MAP2: variants seen among roughly 807,000 people sequenced by gnomAD.
The protein encoded by MAP2 is microtubule-associated protein 2.
In MAP2, 14 loss-of-function variants were observed where a neutral mutation model predicts 137.6. The ratio of observed to expected loss-of-function variants is 0.10; its 90% CI spans 0.07 to 0.16. The LOEUF is 0.16. MAP2 is among the 10% of genes least tolerant of loss of function. MAP2 has a pLI of 1.00. For missense variants in MAP2, 2,088 were observed against 2,191.5 expected, an observed-to-expected ratio of 0.95 and a Z score of 0.94; for synonymous variants, 786 against 782.3, an observed-to-expected ratio of 1.00 and a Z score of -0.08.
chr2:209,730,137 G>T lies in MAP2; in HGVS notation c.5269-45G>T, dbSNP rs747646774. On this transcript the variant is annotated intron_variant, in intron 15 of 15. Transcript: ENST00000682079. ...GAGATGGAGAAAGAGGTAGGGGCCAGTTAAGATGCATGAGTTAACGAGGAC... is the reference window on the plus strand; with the variant it reads ...GAGATGGAGAAAGAGGTAGGGGCCATTTAAGATGCATGAGTTAACGAGGAC... 3 of 1,509,402 alleles carry T rather than the reference G, an allele frequency of 2.0e-6. No individual in the cohort carries two copies. In the Admixed American group the frequency reaches 5.1e-5, roughly 26 times the overall value. 93.5% of individuals were successfully genotyped at this position (1,509,402 alleles called of 1,614,324 possible).
At chr2:209,677,647 G>C (rs2052558382) in intron 5 of MAP2, among the ~76,000 whole-genome samples, 1 of 151,936 alleles carries the variant, frequency 6.6e-6, no homozygotes, top group Non-Finnish European at 1.5e-5. Context: ...GTGATTATGT[G>C]TTTGTTATTT....
chr2:209,475,169 TA>T (rs567933082), intron 1 of MAP2, among the ~76,000 whole-genome samples: 13 of 152,106 alleles, frequency 8.5e-5, no homozygotes, highest in Non-Finnish European at 1.6e-4. Flanking sequence ...GAAGTTTACA[TA>T]AAAATGGTAA....
At chr2:209,666,787 C>A (rs1205758296) in intron 5 of MAP2, among the ~76,000 whole-genome samples, 1 of 151,526 alleles carries the variant, frequency 6.6e-6, no homozygotes, top group Non-Finnish European at 1.5e-5. Flanking sequence ...GATGGAATTA[C>A]TAGATAAGTT....
At chr2:209,675,887 GATA>G (rs2051160170) in intron 5 of MAP2, among the ~76,000 whole-genome samples, 1 of 151,584 alleles carries the variant, frequency 6.6e-6, no homozygotes, top group African/African-American at 2.4e-5. Context: ...ATACTGTTTT[GATA>G]TATATATCAA....
intron 2 of MAP2, among the ~76,000 whole-genome samples, chr2:209,565,083 T>G (rs116776079): frequency 1.3e-5 from 2 of 152,230 alleles, no homozygotes; most frequent in African/African-American, 4.8e-5. Flanking sequence ...TTCACTTTCA[T>G]TAGGCTTCAA....
intron 1 of MAP2, among the ~76,000 whole-genome samples, chr2:209,465,485 C>T (rs1169070628): frequency 6.6e-6 from 1 of 152,064 alleles, no homozygotes; most frequent in East Asian, 1.9e-4. Flanking sequence ...TGCATGAAAA[C>T]TGGAAAATAA....
Position 209,732,768 on chromosome 2 carries a change from A to G in MAP2, c.*2371A>G, listed in dbSNP as rs964401055. 2 of 152,690 alleles carry G rather than the reference A, an allele frequency of 1.3e-5. No homozygotes were observed. Among genetic ancestry groups the G allele is most frequent in the African/African-American group, 4.8e-5 (2 of 41,466 alleles). 9.5% of individuals were successfully genotyped at this position (152,690 alleles called of 1,614,324 possible). On this transcript the variant is annotated 3_prime_UTR_variant, in exon 16 of 16. Coordinates refer to ENST00000682079, the MANE Select transcript of MAP2 (RefSeq NM_001375505.1). ...TTTATTACAAATACATGTCAAAAATAAAGATTATACAAGGCACCAAACTAC... is the reference window on the plus strand; with the variant it reads ...TTTATTACAAATACATGTCAAAAATGAAGATTATACAAGGCACCAAACTAC...
intron 2 of MAP2, among the ~76,000 whole-genome samples, chr2:209,514,979 A>T (rs1053126483): frequency 3.3e-5 from 5 of 152,180 alleles, no homozygotes; most frequent in East Asian, 1.9e-4. Flanking sequence ...GGGTAAAATT[A>T]TGTGCCTTTT....
At chr2:209,528,225 T>A (rs1308662872) in intron 2 of MAP2, among the ~76,000 whole-genome samples, 1 of 152,068 alleles carries the variant, frequency 6.6e-6, no homozygotes, top group Non-Finnish European at 1.5e-5. Context: ...GGTATATGTA[T>A]AAATTCAACC....
intron 1 of MAP2, among the ~76,000 whole-genome samples, chr2:209,471,110 T>A (rs1705605702): frequency 6.6e-6 from 1 of 152,210 alleles, no homozygotes; most frequent in Non-Finnish European, 1.5e-5. Context: ...CTAGTCTCAC[T>A]TCTACCATTC....
intron 3 of MAP2, among the ~76,000 whole-genome samples, chr2:209,619,984 T>C (rs2090646413): frequency 6.6e-6 from 1 of 152,162 alleles, no homozygotes; most frequent in African/African-American, 2.4e-5. Context: ...ATGTCTTCTT[T>C]TGCTGCTGCT....
chr2:209,688,334 A>T (rs1049568041), intron 7 of MAP2, among the ~76,000 whole-genome samples: 1 of 152,202 alleles, frequency 6.6e-6, no homozygotes, highest in Non-Finnish European at 1.5e-5. Flanking sequence ...GACTCTGAAT[A>T]TAATTTTTTT....
chr2:209,671,840 G>A (rs548489106), intron 5 of MAP2, among the ~76,000 whole-genome samples: 60 of 151,696 alleles, frequency 4.0e-4, no homozygotes, highest in Non-Finnish European at 7.2e-4. Context: ...AATCATAGCT[G>A]GTCCTGCTGA....
At chr2:209,657,007 T>C (rs2041255747) in intron 5 of MAP2, among the ~76,000 whole-genome samples, 1 of 152,244 alleles carries the variant, frequency 6.6e-6, no homozygotes, top group African/African-American at 2.4e-5. Flanking sequence ...TAACTCACAC[T>C]TGTAAGTGAG....
intron 1 of MAP2, among the ~76,000 whole-genome samples, chr2:209,424,529 GT>G (rs1237932696): frequency 1.3e-5 from 2 of 152,230 alleles, no homozygotes; most frequent in Non-Finnish European, 2.9e-5. Flanking sequence ...AGAAGAGCGA[GT>G]GAGCTTGTTA....
intron 3 of MAP2, among the ~76,000 whole-genome samples, chr2:209,591,872 G>A (rs2079347958): frequency 6.6e-6 from 1 of 151,950 alleles, no homozygotes; most frequent in East Asian, 1.9e-4. Context: ...ATATTGTCAA[G>A]GTTTATTATG....
intron 4 of MAP2, among the ~76,000 whole-genome samples, chr2:209,635,611 A>G (rs2093484106): frequency 6.6e-6 from 1 of 152,110 alleles, no homozygotes; most frequent in Non-Finnish European, 1.5e-5. Context: ...TGAAAGGAAT[A>G]TAGTGTGTTG....
chr2:209,595,371 C>T (rs1187163721), intron 3 of MAP2, among the ~76,000 whole-genome samples: 3 of 152,004 alleles, frequency 2.0e-5, no homozygotes, highest in Admixed American at 2.0e-4. Flanking sequence ...TCTGCTTTCT[C>T]AGTGAGATTA....
intron 1 of MAP2, among the ~76,000 whole-genome samples, chr2:209,489,953 T>G (rs914144871): frequency 3.9e-5 from 6 of 152,124 alleles, no homozygotes; most frequent in Middle Eastern, 3.4e-3. Context: ...ACTGCAGAGA[T>G]ACTCCTTAAG....
Sources: allele counts gnomAD v4.1 joint callset (sites outside exome capture counted in the v4.1 genomes callset), GRCh38; gene constraint gnomAD v4.1.1; transcripts MANE v1.5; gene names NCBI Gene and HGNC (gene_info 2026-07-23, HGNC 2026-07-21).